SMURF2: variants seen among roughly 807,000 people sequenced by gnomAD.
The protein encoded by SMURF2 is SMAD specific E3 ubiquitin protein ligase 2, also known as E3 ubiquitin-protein ligase SMURF2.
In SMURF2, 48 loss-of-function variants were observed where a neutral mutation model predicts 109.6. That is an observed-to-expected ratio of 0.44 (90% confidence interval 0.35 to 0.56). SMURF2 has a LOEUF of 0.56. Ranked by LOEUF, SMURF2 falls within the 20% of genes least tolerant of loss-of-function variation. The pLI is 0.01. For missense variants in SMURF2, 575 were observed against 909.0 expected (o/e 0.63, Z 4.72); for synonymous variants, 288 against 317.1 (o/e 0.91, Z 0.97).
chr17:64,542,445 A>G lies in SMURF2; in HGVS notation c.*3403T>C, dbSNP rs1476613771. Reference sequence around the variant, plus strand: ...GAAAATACAAAGAATATCAAAGCTAAAACACTCTGTAATAAATACAAATAC... The same window carrying G: ...GAAAATACAAAGAATATCAAAGCTAGAACACTCTGTAATAAATACAAATAC... On this transcript the variant is annotated 3_prime_UTR_variant, in exon 19 of 19. Coordinates refer to ENST00000262435, the MANE Select transcript of SMURF2 (RefSeq NM_022739.4). The G allele has an allele frequency of 2.6e-5, 4 of 152,206 alleles. No homozygotes were observed. Among genetic ancestry groups the G allele is most frequent in the Non-Finnish European group, 5.9e-5 (4 of 68,046 alleles). 9.4% of individuals were successfully genotyped at this position (152,206 alleles called of 1,614,324 possible).
chr17:64,637,087 T>C (rs1970427001), intron 1 of SMURF2, among the ~76,000 whole-genome samples: 1 of 151,972 alleles, frequency 6.6e-6, no homozygotes, highest in Admixed American at 6.6e-5. Context: ...TTTGTTTAAA[T>C]TGACAGAATC....
chr17:64,658,250 G>A (rs755989130), intron 1 of SMURF2, among the ~76,000 whole-genome samples: 7 of 152,088 alleles, frequency 4.6e-5, no homozygotes, highest in East Asian at 1.9e-4. Flanking sequence ...CCACCTACTC[G>A]GGAGGCTGAG....
intron 1 of SMURF2, among the ~76,000 whole-genome samples, chr17:64,646,182 C>A (rs1395052815): frequency 6.6e-6 from 1 of 151,120 alleles, no homozygotes; most frequent in African/African-American, 2.4e-5. Flanking sequence ...TCTCATGTCT[C>A]AGCCTCCCGA....
Position 64,616,634 on chromosome 17 carries a change from G to A in SMURF2, c.53-9994C>T, listed in dbSNP as rs146927615. Among the ~76,000 whole-genome samples, 260 of 146,064 alleles carry A rather than the reference G, an allele frequency of 1.8e-3. 1 individual carries two copies. The highest frequency in any genetic ancestry group is 3.5e-3 in the Middle Eastern group (1 of 284). The stretch of plus-strand genomic sequence containing the variant: ...CGCGCCACTGTACTCCAGCCCAGAC[G>A]ACAGTGCGAGACTCTGTCTCAAAAA... On this transcript the variant is annotated intron_variant, in intron 1 of 18. Transcript: ENST00000262435.
intron 1 of SMURF2, among the ~76,000 whole-genome samples, chr17:64,650,353 T>G (rs910476928): frequency 9.9e-5 from 15 of 151,538 alleles, no homozygotes; most frequent in Non-Finnish European, 1.3e-4. Context: ...TTTTGTTTTT[T>G]TTTTTGGTAT....
In SMURF2 at chr17:64,571,231, T is replaced by C. The variant is rs182094744; in HGVS notation, c.1016+567A>G. Among the ~76,000 whole-genome samples the C allele has an allele frequency of 4.0e-4, 61 of 152,320 alleles. No homozygotes were observed. The Middle Eastern group carries it at 0.014, about 34-fold the overall frequency. On this transcript the variant is annotated intron_variant, in intron 10 of 18. Coordinates refer to ENST00000262435, the MANE Select transcript of SMURF2 (RefSeq NM_022739.4). Reference sequence around the variant, plus strand: ...AACCCCTACTTCTCCTGTCAAGATATTGCCTCTGTAAAAGGCCATCTTGAG... The same window carrying C: ...AACCCCTACTTCTCCTGTCAAGATACTGCCTCTGTAAAAGGCCATCTTGAG...
At chr17:64,596,904 T>C (rs1969826611) in intron 3 of SMURF2, among the ~76,000 whole-genome samples, 1 of 152,200 alleles carries the variant, frequency 6.6e-6, no homozygotes, top group Non-Finnish European at 1.5e-5. Flanking sequence ...GAAAAGTAGC[T>C]ACTAACTTCA....
At chr17:64,646,365 CTTT>C (rs1221007421) in intron 1 of SMURF2, among the ~76,000 whole-genome samples, 2 of 136,066 alleles carry the variant, frequency 1.5e-5, no homozygotes, top group Non-Finnish European at 3.2e-5. Context: ...TGGAATTTTT[CTTT>C]TTTTTTTTCT....
chr17:64,608,399 T>G (rs1970001581), intron 1 of SMURF2, among the ~76,000 whole-genome samples: 1 of 152,182 alleles, frequency 6.6e-6, no homozygotes, highest in African/African-American at 2.4e-5. Context: ...AGGCCATGTC[T>G]TAGAGTTTTG....
At chr17:64,626,342 T>C (rs1279025280) in intron 1 of SMURF2, among the ~76,000 whole-genome samples, 1 of 152,062 alleles carries the variant, frequency 6.6e-6, no homozygotes, top group African/African-American at 2.4e-5. Flanking sequence ...TATATAGCCA[T>C]GTTTTCCAAA....
At chr17:64,658,171 G>A (rs1232556338) in intron 1 of SMURF2, among the ~76,000 whole-genome samples, 3 of 151,956 alleles carry the variant, frequency 2.0e-5, no homozygotes, top group East Asian at 1.9e-4. Context: ...CCTGGCCAAC[G>A]TGGCAAAACC....
chr17:64,545,697 C>A lies in SMURF2; in HGVS notation c.*151G>T. Reference sequence around the variant, plus strand: ...AGGAATTTCAAAATTGTCCTTTCCCCTCACAGTGTCCTAAAATGTAAAAAA... The same window carrying A: ...AGGAATTTCAAAATTGTCCTTTCCCATCACAGTGTCCTAAAATGTAAAAAA... On this transcript the variant is annotated 3_prime_UTR_variant, in exon 19 of 19. Transcript: ENST00000262435. 2.3e-6 allele frequency: 1 copy of A among 442,102 alleles called. No homozygotes were observed. The highest frequency in any genetic ancestry group is 4.0e-6 in the Non-Finnish European group (1 of 250,042). The allele number at this position is 442,102 out of a possible 1,614,324, so 27.4% of individuals were successfully genotyped here. A position where few individuals can be genotyped will look rare whatever the true frequency, so the allele number is the denominator to read the frequency against.
chr17:64,575,551 C>T (rs1555685996), intron 9 of SMURF2, among the ~76,000 whole-genome samples: 1 of 151,866 alleles, frequency 6.6e-6, no homozygotes, highest in African/African-American at 2.4e-5. Context: ...TGGTTGCCAC[C>T]CTCAAAGAAT....
At chr17:64,580,720 AT>A in intron 8 of SMURF2, 68 bp downstream of exon 8, 2 of 1,454,326 alleles carry the variant, frequency 1.4e-6, no homozygotes, top group Non-Finnish European at 1.9e-6. Flanking sequence ...TTCAAAATAT[AT>A]TTTCTGACTT....
chr17:64,608,782 C>T (rs1461545457), intron 1 of SMURF2, among the ~76,000 whole-genome samples: 1 of 152,074 alleles, frequency 6.6e-6, no homozygotes, highest in African/African-American at 2.4e-5. Flanking sequence ...AGACTATCCT[C>T]TATCTCATAT....
At chr17:64,606,208 C>T (rs1162077451) in intron 2 of SMURF2, among the ~76,000 whole-genome samples, 1 of 152,154 alleles carries the variant, frequency 6.6e-6, no homozygotes, top group Non-Finnish European at 1.5e-5. Context: ...AATGACTTTT[C>T]TACCTTCCAA....
chr17:64,589,621 G>C (rs1286370528), intron 5 of SMURF2, among the ~76,000 whole-genome samples: 2 of 151,782 alleles, frequency 1.3e-5, no homozygotes, highest in Non-Finnish European at 2.9e-5. Flanking sequence ...TCTCATAGGA[G>C]CACGAACCCT....
intron 6 of SMURF2, among the ~76,000 whole-genome samples, chr17:64,583,883 G>A (rs782752602): frequency 1.3e-5 from 2 of 149,182 alleles, no homozygotes; most frequent in Non-Finnish European, 2.9e-5. Context: ...ATAAAATCAC[G>A]AGGTCTCTTG....
At chr17:64,648,081 A>C (rs1210801847) in intron 1 of SMURF2, among the ~76,000 whole-genome samples, 11 of 149,468 alleles carry the variant, frequency 7.4e-5, no homozygotes, top group Non-Finnish European at 1.0e-4. Flanking sequence ...AAAAAAAAAA[A>C]AAAAAAAAAA....
Sources: gnomAD v4.1 joint callset for allele counts (sites outside exome capture counted in the v4.1 genomes callset) on GRCh38, gnomAD v4.1.1 for gene constraint, MANE v1.5 for transcripts, NCBI Gene and HGNC (gene_info 2026-07-23, HGNC 2026-07-21) for gene names.